KDM2A: variants seen among roughly 807,000 people sequenced by gnomAD.
KDM2A encodes lysine-specific demethylase 2A.
Under a neutral mutation model 137.3 loss-of-function variants are expected in KDM2A, and 3 were observed. The observed-to-expected ratio is 0.02, with a 90% CI of 0.01 to 0.06. KDM2A has a LOEUF of 0.06. Among genes scored for constraint, KDM2A ranks in the 10% least tolerant of loss-of-function variants. The pLI, the probability that KDM2A is intolerant of heterozygous loss-of-function variation, is 1.00. For missense variants in KDM2A, 738 were observed against 1,510.6 expected (o/e 0.49, Z 8.48); for synonymous variants, 512 against 541.5 (o/e 0.95, Z 0.76).
Position 67,250,727 on chromosome 11 carries a change from G to T in KDM2A, c.2697G>T (p.Met899Ile), listed in dbSNP as rs755880113. ...GCTGGATGCAGCGGGAGGTCTGGAT[G>T]TCTGTCTTCCGCTACCTCAGCCGCA... ...DESWMQREVW[M>I]SVFRYLSRRE... Residue 899 changes from methionine to isoleucine, a missense_variant, in exon 17 of 21, where the codon ATG becomes ATT. Physicochemically the swap from Met to Ile is conservative, Grantham distance 10. Around this residue, in one of 9 missense-constraint regions of KDM2A, gnomAD observed 244 missense variants for 324.6 expected, o/e 0.75. Coordinates refer to ENST00000529006, the MANE Select transcript of KDM2A (RefSeq NM_012308.3). This position sits in a 1 kb window ranked among gnomAD's most constrained non-coding sequence, Gnocchi z 7.1. The T allele has an allele frequency of 1.1e-5, 18 of 1,567,084 alleles. No homozygotes were observed. Among genetic ancestry groups the T allele is most frequent in the Non-Finnish European group, 1.5e-5 (17 of 1,155,580 alleles).
chr11:67,175,672 A>G (rs1856961109), intron 2 of KDM2A, among the ~76,000 whole-genome samples: 1 of 152,224 alleles, frequency 6.6e-6, no homozygotes, highest in South Asian at 2.1e-4. Context: ...CTATCATATT[A>G]GAAATGTTGG....
rs372756373 is a variant in KDM2A at position 67,181,864 on chromosome 11, C to T, written c.279C>T (p.Phe93=). 1.1e-5 allele frequency: 17 copies of T among 1,613,708 alleles called. No individual in the cohort carries two copies. The highest frequency in any genetic ancestry group is 1.3e-5 in the Non-Finnish European group (15 of 1,179,806). Residue 93 remains phenylalanine, a synonymous_variant, in exon 5 of 21, where the codon TTC becomes TTT. Transcript: ENST00000529006. ...TTCATAGAATGCCGGATCCAGACTTCACTGTGAATGATGTCAAAATGTGTG... is the reference window on the plus strand; with the variant it reads ...TTCATAGAATGCCGGATCCAGACTTTACTGTGAATGATGTCAAAATGTGTG... ...GLGIKMPDPD[F]TVNDVKMCVG...
At chr11:67,221,941 TA>T (rs879782965) in intron 10 of KDM2A, among the ~76,000 whole-genome samples, 261 of 139,854 alleles carry the variant, frequency 1.9e-3, no homozygotes, top group Middle Eastern at 3.7e-3. Flanking sequence ...TCTGTTAATT[TA>T]AAAAAAAAAA....
Position 67,256,316 on chromosome 11 carries a change from CCT to C in KDM2A, c.*1268_*1269del, listed in dbSNP as rs1565430565. On this transcript the variant is annotated 3_prime_UTR_variant, in exon 21 of 21. Coordinates refer to ENST00000529006, the MANE Select transcript of KDM2A (RefSeq NM_012308.3). ...TGCATTGAACGGCCTGTCCAAAGAT[CCT>C]CTCTCTAGGGCAGCAGAGAGCTTTT... 6.6e-6 allele frequency: 1 copy of C among 152,340 alleles called. No homozygotes were observed. The highest frequency in any genetic ancestry group is 6.6e-5 in the Admixed American group (1 of 15,264). 9.4% of individuals were successfully genotyped at this position (152,340 alleles called of 1,614,324 possible).
intron 2 of KDM2A, among the ~76,000 whole-genome samples, chr11:67,127,443 T>G (rs994162013): frequency 2.0e-5 from 3 of 151,914 alleles, no homozygotes; most frequent in East Asian, 3.9e-4. Context: ...TTGATGAAAT[T>G]GAGAGTTTTT....
chr11:67,131,428 T>G (rs1855853042), intron 2 of KDM2A, among the ~76,000 whole-genome samples: 1 of 150,740 alleles, frequency 6.6e-6, no homozygotes, highest in Non-Finnish European at 1.5e-5. Context: ...TTTTTTTTTT[T>G]GAGATGGAAT....
chr11:67,164,043 T>G (rs1378802627), intron 2 of KDM2A, among the ~76,000 whole-genome samples: 1 of 152,152 alleles, frequency 6.6e-6, no homozygotes, highest in Non-Finnish European at 1.5e-5. Context: ...CTGCCACTAC[T>G]CTATACAGCC....
chr11:67,135,408 T>C (rs764396001), intron 2 of KDM2A, among the ~76,000 whole-genome samples: 11 of 152,190 alleles, frequency 7.2e-5, no homozygotes, highest in Non-Finnish European at 1.5e-4. Flanking sequence ...GGAAATGAGA[T>C]AAAAGTTGTG....
Position 67,203,790 on chromosome 11 carries a change from CT to C in KDM2A, c.308-3706del, listed in dbSNP as rs1034778143. Among the ~76,000 whole-genome samples, 542 of 141,234 alleles carry C rather than the reference CT, an allele frequency of 3.8e-3. 2 individuals are homozygous for C. The highest frequency in any genetic ancestry group is 9.9e-3 in the Admixed American group (138 of 13,968). The allele number at this position is 141,234 out of a possible 152,430, so 92.7% of individuals were successfully genotyped here. A position where few individuals can be genotyped will look rare whatever the true frequency, so the allele number is the denominator to read the frequency against. On this transcript the variant is annotated intron_variant, in intron 5 of 20. Transcript: ENST00000529006. ...AGAATAAAATGCTTTCCTCTACATT[CT>C]TTTTTTTTTTTTTCTTTTTTCTTTT...
At chr11:67,144,431 T>G (rs1057118380) in intron 2 of KDM2A, among the ~76,000 whole-genome samples, 1 of 151,944 alleles carries the variant, frequency 6.6e-6, no homozygotes, top group Non-Finnish European at 1.5e-5. Flanking sequence ...TTTGTATTTT[T>G]AGTAGAGTTG....
chr11:67,191,107 G>C (rs1201801907), intron 5 of KDM2A, among the ~76,000 whole-genome samples: 1 of 151,984 alleles, frequency 6.6e-6, no homozygotes, highest in Non-Finnish European at 1.5e-5. Context: ...GCAGTGGCGC[G>C]ATCTCGGCTC....
At position 67,254,447 on chromosome 11, in the gene KDM2A, C is replaced by T. The variant is rs763295578; in HGVS notation, c.3307+29C>T. On this transcript the variant is annotated intron_variant, in intron 20 of 20. Coordinates refer to ENST00000529006, the MANE Select transcript of KDM2A (RefSeq NM_012308.3). The surrounding 1 kb of genome is among the most constrained non-coding windows in gnomAD (Gnocchi z 4.7). Reference sequence around the variant, plus strand: ...TGCCGCTACAGTTGTTCATAATCAGCGGTGCCCCCTGCCTCCAGCCCTCCC... The same window carrying T: ...TGCCGCTACAGTTGTTCATAATCAGTGGTGCCCCCTGCCTCCAGCCCTCCC... The T allele has an allele frequency of 1.2e-5, 19 of 1,591,198 alleles. No homozygotes were observed. Among genetic ancestry groups the T allele is most frequent in the Middle Eastern group, 1.7e-4 (1 of 6,036 alleles).
rs113425273 is a variant in KDM2A at position 67,187,336 on chromosome 11, C to G, written c.307+5444C>G. Among the ~76,000 whole-genome samples, 853 of 151,898 alleles carry G rather than the reference C, an allele frequency of 5.6e-3. 3 individuals are homozygous for G. The highest frequency in any genetic ancestry group is 0.02 in the African/African-American group (832 of 41,418). ...TTTAAATATAAGTGGATTAAATTCCCCAATCAAAAGACAAGAAATTGGCAG... is the reference window on the plus strand; with the variant it reads ...TTTAAATATAAGTGGATTAAATTCCGCAATCAAAAGACAAGAAATTGGCAG... On this transcript the variant is annotated intron_variant, in intron 5 of 20. Transcript: ENST00000529006.
rs745508755 is a variant in KDM2A, at chr11:67,121,370, C to G, written c.42+12C>G. 6.2e-7 allele frequency: 1 copy of G among 1,611,482 alleles called. No homozygotes were observed. The highest frequency in any genetic ancestry group is 1.1e-5 in the South Asian group (1 of 91,010). On this transcript the variant is annotated intron_variant, in intron 2 of 20. Coordinates refer to ENST00000529006, the MANE Select transcript of KDM2A (RefSeq NM_012308.3). ...ACAGCCAGAGATTGGTTAGTATTTTCTCCCCCCACCACACCCTCCAGTTTT... is the reference window on the plus strand; with the variant it reads ...ACAGCCAGAGATTGGTTAGTATTTTGTCCCCCCACCACACCCTCCAGTTTT...
chr11:67,181,282 A>G (rs755936661), intron 3 of KDM2A, 38 bp from the exon 4 acceptor site: 2 of 1,366,720 alleles, frequency 1.5e-6, no homozygotes, highest in South Asian at 1.2e-5. Context: ...GTTTTTAATT[A>G]TACCACTTAT....
rs373596411 is a variant in KDM2A, at chr11:67,254,896, G to A, written c.3330G>A (p.Gln1110=). The A allele has an allele frequency of 3.1e-6, 5 of 1,613,862 alleles. No homozygotes were observed. The African/African-American group carries it at 6.7e-5, about 22-fold the overall frequency. ...NMAGCNKLTD[Q]TLIYLRRIAN... Reference sequence around the variant, plus strand: ...CAGGTTGCAATAAATTGACAGACCAGACCCTGATCTACCTACGGCGCATTG... The same window carrying A: ...CAGGTTGCAATAAATTGACAGACCAAACCCTGATCTACCTACGGCGCATTG... The change falls in exon 21 of 21, where the codon CAG becomes CAA. Residue 1110 remains glutamine (Q), a synonymous_variant. Coordinates refer to ENST00000529006, the MANE Select transcript of KDM2A (RefSeq NM_012308.3). The surrounding 1 kb of genome is among the most constrained non-coding windows in gnomAD (Gnocchi z 4.7).
At chr11:67,208,166 G>A (rs1241907995) in intron 6 of KDM2A, among the ~76,000 whole-genome samples, 9 of 151,862 alleles carry the variant, frequency 5.9e-5, no homozygotes, top group African/African-American at 1.9e-4. Context: ...TATTGATATT[G>A]TATTTTGATA....
intron 3 of KDM2A, 77 bp from the exon 4 acceptor site, chr11:67,181,243 C>A: frequency 2.3e-6 from 2 of 888,630 alleles, no homozygotes; most frequent in Non-Finnish European, 3.6e-6. Context: ...TACTGTATTA[C>A]TTAGGATCCT....
rs558053292 is a variant in KDM2A at position 67,255,858 on chromosome 11, CCT to C, written c.*810_*811del. On this transcript the variant is annotated 3_prime_UTR_variant, in exon 21 of 21. Coordinates refer to ENST00000529006, the MANE Select transcript of KDM2A (RefSeq NM_012308.3). The stretch of plus-strand genomic sequence containing the variant: ...AGACAGGCACCATCTCCTTGTTCCC[CCT>C]CTCTCTTTTGCCTCCCACTGACTGC... 8.3e-5 allele frequency: 23 copies of C among 276,798 alleles called. No homozygotes were observed. The East Asian group carries it at 1.5e-3, about 18-fold the overall frequency. 17.1% of individuals were successfully genotyped at this position (276,798 alleles called of 1,614,324 possible).
Sources: allele counts gnomAD v4.1 joint callset (sites outside exome capture counted in the v4.1 genomes callset), GRCh38; gene constraint gnomAD v4.1.1; regional missense constraint gnomAD v4.1.1; non-coding constraint Gnocchi (gnomAD v3.1); transcripts MANE v1.5; gene names NCBI Gene and HGNC (gene_info 2026-07-23, HGNC 2026-07-21).